Variants in FANCB observed in about 807,000 individuals in gnomAD.
FANCB encodes Fanconi anemia group B protein.
FANCB carries 5 observed loss-of-function variants against 38.9 expected under a neutral mutation model. The observed-to-expected ratio is 0.13, with a 90% CI of 0.07 to 0.27. The LOEUF is 0.27. Ranked by LOEUF, FANCB falls within the 10% of genes least tolerant of loss-of-function variation. The probability of loss-of-function intolerance (pLI) is 1.00; values close to 1 mark genes in which losing one functional copy is unlikely to be tolerated. For synonymous variants in FANCB, 236 were observed against 215.4 expected (o/e 1.10, Z -0.84); for missense variants, 573 against 602.7 (o/e 0.95, Z 0.52).
At chrX:14,723,559 G>T in the FANCB span, among the ~76,000 whole-genome samples, 2 of 111,670 alleles carry the variant, frequency 1.8e-5, no homozygotes, top group Non-Finnish European at 3.8e-5. Context: ...GCTCCCCTTG[G>T]TTCTCAAAAT....
At chrX:14,713,089 T>C in the FANCB span, among the ~76,000 whole-genome samples, 6 of 111,941 alleles carry the variant, frequency 5.4e-5, no homozygotes, top group African/African-American at 1.6e-4. Flanking sequence ...TGTGGATATA[T>C]ATAGAGAGAG....
chrX:14,811,277 G>C, the FANCB span, among the ~76,000 whole-genome samples: 3 of 110,754 alleles, frequency 2.7e-5, no homozygotes, highest in Non-Finnish European at 3.8e-5. Context: ...AAAATAACCA[G>C]CTAACATCAT....
At chrX:14,827,675 A>G in the FANCB span, among the ~76,000 whole-genome samples, 2 of 112,007 alleles carry the variant, frequency 1.8e-5, no homozygotes, top group Non-Finnish European at 3.8e-5. Context: ...TTGTTTTCAC[A>G]AAGTGGGATA....
the FANCB span, among the ~76,000 whole-genome samples, chrX:14,701,589 G>C: frequency 9.1e-6 from 1 of 109,598 alleles, no homozygotes; most frequent in African/African-American, 3.3e-5. Flanking sequence ...GGTAGAGAAA[G>C]GGGGATACTG....
the FANCB span, among the ~76,000 whole-genome samples, chrX:14,812,538 T>G: frequency 1.8e-5 from 2 of 111,688 alleles, no homozygotes; most frequent in South Asian, 7.4e-4. Flanking sequence ...TACAAACACC[T>G]CTACACAAAT....
At position 14,864,794 on chromosome X, in the gene FANCB, A is replaced by G. The variant is rs1168828164; in HGVS notation, c.717T>C (p.Tyr239=). 7 of 1,207,552 alleles carry G rather than the reference A, an allele frequency of 5.8e-6. No homozygotes were observed. Among genetic ancestry groups the G allele is most frequent in the Non-Finnish European group, 6.7e-6 (6 of 891,404 alleles). The change falls in exon 3 of 10, where the codon TAT becomes TAC. Residue 239 remains tyrosine, a synonymous_variant. Coordinates refer to ENST00000650831, the MANE Select transcript of FANCB (RefSeq NM_001018113.3). ...TGATCTCAGTTGCACAAATATGTACATAAGTCACCACACTGCTGTAAGCAG... is the reference window on the plus strand; with the variant it reads ...TGATCTCAGTTGCACAAATATGTACGTAAGTCACCACACTGCTGTAAGCAG... ...IPPAYSSVVT[Y]VHICATEIIK...
chrX:14,845,706 A>T lies in FANCB; in HGVS notation c.1497-420T>A, dbSNP rs779632826. ...AAAAACCTCCTCATTATTTTTTAAG[A>T]GTTTATTTTGGTGATACGTTAGAAT... is the stretch of plus-strand genomic sequence containing the variant. On this transcript the variant is annotated intron_variant, in intron 7 of 9. Coordinates refer to ENST00000650831, the MANE Select transcript of FANCB (RefSeq NM_001018113.3). 2.5e-4 allele frequency among the ~76,000 whole-genome samples: 28 copies of T among 111,405 alleles called. No individual in the cohort carries two copies. The East Asian group carries it at 7.6e-3, about 30-fold the overall frequency.
chrX:14,767,121 G>A, the FANCB span, among the ~76,000 whole-genome samples: 1 of 111,849 alleles, frequency 8.9e-6, no homozygotes, highest in African/African-American at 3.2e-5. Flanking sequence ...CCATGTCTTT[G>A]CTGTTGAGAA....
the FANCB span, among the ~76,000 whole-genome samples, chrX:14,796,361 T>C: frequency 2.0e-5 from 2 of 98,810 alleles, no homozygotes; most frequent in African/African-American, 7.0e-5. Flanking sequence ...ATAGGATATA[T>C]GTGTATGTAT....
At chrX:14,828,678 C>T in the FANCB span, among the ~76,000 whole-genome samples, 2 of 111,564 alleles carry the variant, frequency 1.8e-5, no homozygotes, top group African/African-American at 6.5e-5. Flanking sequence ...TCCATGAGGG[C>T]TGGAGTCAAC....
chrX:14,811,298 T>A, the FANCB span, among the ~76,000 whole-genome samples: 1 of 111,177 alleles, frequency 9.0e-6, no homozygotes, highest in East Asian at 2.8e-4. Flanking sequence ...AATGACAGGA[T>A]CAAATTCACA....
At chrX:14,813,446 C>T in the FANCB span, among the ~76,000 whole-genome samples, 1 of 111,725 alleles carries the variant, frequency 9.0e-6, no homozygotes, top group Non-Finnish European at 1.9e-5. Flanking sequence ...TCTCCTTAAG[C>T]TGATAGGCAG....
intron 5 of FANCB, among the ~76,000 whole-genome samples, chrX:14,855,104 G>T (rs901108358): frequency 3.6e-5 from 4 of 111,325 alleles, no homozygotes. Flanking sequence ...GGGTATTTGG[G>T]TTATGCTCAG....
chrX:14,690,663 C>G, the FANCB span: 1 of 751,044 alleles, frequency 1.3e-6, no homozygotes, highest in Non-Finnish European at 2.0e-6. Context: ...CTTTCTTTCT[C>G]TCTCTCTCTC....
chrX:14,835,011 C>T, downstream of FANCB: 2 of 603,912 alleles, frequency 3.3e-6, no homozygotes, highest in South Asian at 4.4e-5. Flanking sequence ...CCCTGAATCA[C>T]ACTTCAACTG....
At chrX:14,707,760 G>A in the FANCB span, among the ~76,000 whole-genome samples, 1 of 105,950 alleles carries the variant, frequency 9.4e-6, no homozygotes, top group African/African-American at 3.7e-5. Flanking sequence ...CAAAAAAGGT[G>A]TGTGTGTGTG....
the FANCB span, among the ~76,000 whole-genome samples, chrX:14,755,010 C>T: frequency 8.9e-6 from 1 of 111,839 alleles, no homozygotes; most frequent in Non-Finnish European, 1.9e-5. Context: ...TTAACGTATA[C>T]AAACCAGTAA....
At chrX:14,718,012 T>A in the FANCB span, among the ~76,000 whole-genome samples, 3 of 111,152 alleles carry the variant, frequency 2.7e-5, no homozygotes, top group Non-Finnish European at 3.8e-5. Context: ...TGCTAATGTA[T>A]CATTACTGAG....
chrX:14,791,289 G>A, the FANCB span, among the ~76,000 whole-genome samples: 1 of 111,470 alleles, frequency 9.0e-6, no homozygotes, highest in African/African-American at 3.3e-5. Flanking sequence ...CCTTATAAAA[G>A]AGGAAAATTT....
Sources: gnomAD v4.1 joint callset for allele counts (sites outside exome capture counted in the v4.1 genomes callset) on GRCh38, gnomAD v4.1.1 for gene constraint, MANE v1.5 for transcripts, NCBI Gene and HGNC (gene_info 2026-07-23, HGNC 2026-07-21) for gene names.